The following TET1 variants were observed in gnomAD, a reference collection of about 807,000 sequenced individuals.
The protein encoded by TET1 is methylcytosine dioxygenase TET1.
TET1 carries 13 observed loss-of-function variants against 148.7 expected under a neutral mutation model. The observed-to-expected ratio is 0.09, with a 90% CI of 0.06 to 0.14. The LOEUF (loss-of-function observed/expected upper bound fraction) is 0.14. TET1 is among the 10% of genes least tolerant of loss of function. TET1 has a pLI of 1.00. For missense variants in TET1, 2,182 were observed against 2,553.8 expected (o/e 0.85, Z 3.14); for synonymous variants, 907 against 937.2 (o/e 0.97, Z 0.59).
rs117958445 is a variant in TET1 at position 68,603,120 on chromosome 10, G to A, written c.1968+2086G>A. ...CATTCTAGGAGCATGCTACCTGGGG[G>A]ACCAGTGATGGGAATCTCACAGTTT... On this transcript the variant is annotated intron_variant, in intron 3 of 11. Transcript: ENST00000373644. Among the ~76,000 whole-genome samples, 1,315 of 152,270 alleles carry A rather than the reference G, an allele frequency of 8.6e-3. 25 individuals carry two copies. The highest frequency in any genetic ancestry group is 0.011 in the Non-Finnish European group (747 of 68,032).
chr10:68,614,365 A>G (rs2054259362), intron 3 of TET1, among the ~76,000 whole-genome samples: 1 of 152,206 alleles, frequency 6.6e-6, no homozygotes, highest in South Asian at 2.1e-4. Context: ...CAGAAATAAA[A>G]AACAGTGTAA....
chr10:68,624,687 TCTC>T (rs1564975241), intron 3 of TET1, among the ~76,000 whole-genome samples: 20 of 130,412 alleles, frequency 1.5e-4, no homozygotes, highest in African/African-American at 5.8e-4. Flanking sequence ...TCTCTCTCTC[TCTC>T]TCTCTCTTTC....
chr10:68,582,096 CTATTTTT>C (rs1329652828), intron 2 of TET1, among the ~76,000 whole-genome samples: 1 of 148,536 alleles, frequency 6.7e-6, no homozygotes, highest in Non-Finnish European at 1.5e-5. Flanking sequence ...TTAGATGACA[CTATTTTT>C]TTTTTTTTTT....
chr10:68,601,632 C>T (rs1270506820), intron 3 of TET1, among the ~76,000 whole-genome samples: 1 of 152,000 alleles, frequency 6.6e-6, no homozygotes, highest in Non-Finnish European at 1.5e-5. Context: ...TAATAGTAAC[C>T]TAATTCAGTT....
chr10:68,692,533 T>A lies in TET1; in HGVS notation c.*719T>A. On this transcript the variant is annotated 3_prime_UTR_variant, in exon 12 of 12. Coordinates refer to ENST00000373644, the MANE Select transcript of TET1 (RefSeq NM_030625.3). ...TGCATACAAGAGAAATCATTTATCC[T>A]TGCTGTGTAGAGTTCCATCTTGTTA... 4.3e-6 allele frequency: 1 copy of A among 232,534 alleles called. No individual in the cohort carries two copies. Among genetic ancestry groups the A allele is most frequent in the East Asian group, 6.1e-5 (1 of 16,266 alleles). 14.4% of individuals were successfully genotyped at this position (232,534 alleles called of 1,614,324 possible). A position where few individuals can be genotyped will look rare whatever the true frequency, so the allele number is the denominator to read the frequency against.
chr10:68,573,852 T>G lies in TET1; in HGVS notation c.1514T>G (p.Ile505Arg). Residue 505 changes from isoleucine (I) to arginine (R), a missense_variant, in exon 2 of 12, where the codon ATA becomes AGA. Physicochemically the swap from Ile to Arg is moderately conservative, Grantham distance 97 (BLOSUM62 -3). This residue lies in a region of TET1 where 665 missense variants were observed against 672.4 expected (regional missense o/e 0.99). Transcript: ENST00000373644. ...SNVENEKQVH[I>R]SFLPANTQGF... The stretch of plus-strand genomic sequence containing the variant: ...GTAGAAAATGAGAAGCAGGTTCATA[T>G]AAGCTTCCTGCCAGCTAACACTCAG... The G allele has an allele frequency of 6.2e-7, 1 of 1,614,144 alleles. No homozygotes were observed. Among genetic ancestry groups the G allele is most frequent in the Non-Finnish European group, 8.5e-7 (1 of 1,180,028 alleles).
chr10:68,625,026 G>A (rs1209908128), intron 3 of TET1, among the ~76,000 whole-genome samples: 1 of 152,190 alleles, frequency 6.6e-6, no homozygotes, highest in Middle Eastern at 3.4e-3. Context: ...GAGCCAGTGC[G>A]CCCGGCTTCT....
At chr10:68,659,487 T>G (rs1167309905) in intron 6 of TET1, among the ~76,000 whole-genome samples, 2 of 151,978 alleles carry the variant, frequency 1.3e-5, no homozygotes, top group African/African-American at 2.4e-5. Context: ...CTCAGCTAAT[T>G]TTTGTATTTT....
At chr10:68,671,337 G>C (rs1426686769) in intron 7 of TET1, among the ~76,000 whole-genome samples, 1 of 152,200 alleles carries the variant, frequency 6.6e-6, no homozygotes, top group Non-Finnish European at 1.5e-5. Context: ...GCTAAGGATA[G>C]TGGCCTTTAG....
intron 2 of TET1, among the ~76,000 whole-genome samples, chr10:68,583,498 G>T (rs954248248): frequency 5.3e-5 from 8 of 152,118 alleles, no homozygotes; most frequent in Non-Finnish European, 7.4e-5. Flanking sequence ...AGCTTTTCAT[G>T]TCTGCTATGA....
In TET1 at chr10:68,569,421, A is replaced by G. The variant is rs368154506; in HGVS notation, c.-122-2796A>G. Among the ~76,000 whole-genome samples the G allele has an allele frequency of 6.7e-4, 102 of 151,780 alleles. 1 individual carries two copies. The East Asian group carries it at 0.017, about 25-fold the overall frequency. On this transcript the variant is annotated intron_variant, in intron 1 of 11. Transcript: ENST00000373644. ...GATCTCCTGACCTCGTGATCCGCCC[A>G]CCTCGGCCTCCCAAAGTGCTGGGAT...
At chr10:68,600,855 G>A in intron 2 of TET1, 126 bp from the exon 3 acceptor site, 1 of 751,466 alleles carries the variant, frequency 1.3e-6, no homozygotes, top group Non-Finnish European at 2.3e-6. Flanking sequence ...GTTCTGCCTA[G>A]CAAACATGTT....
chr10:68,642,501 A>G (rs554918687), intron 3 of TET1, among the ~76,000 whole-genome samples: 27 of 152,296 alleles, frequency 1.8e-4, no homozygotes, highest in African/African-American at 6.5e-4. Context: ...TTGCTTAAAC[A>G]GGGCACAGCA....
intron 2 of TET1, among the ~76,000 whole-genome samples, chr10:68,577,164 C>A (rs1439986867): frequency 1.3e-5 from 2 of 152,158 alleles, no homozygotes; most frequent in African/African-American, 2.4e-5. Flanking sequence ...CCCGCCTTGG[C>A]CTCCCAAAGT....
At chr10:68,571,000 T>A (rs1055991940) in intron 1 of TET1, among the ~76,000 whole-genome samples, 3 of 151,510 alleles carry the variant, frequency 2.0e-5, no homozygotes, top group Admixed American at 6.6e-5. Flanking sequence ...ATTTTATTAT[T>A]ATTTTTCTGA....
intron 3 of TET1, among the ~76,000 whole-genome samples, chr10:68,642,608 C>G (rs2054774758): frequency 6.6e-6 from 1 of 151,942 alleles, no homozygotes; most frequent in South Asian, 2.1e-4. Context: ...GTACACTTTT[C>G]TTCTTTTTTT....
intron 3 of TET1, among the ~76,000 whole-genome samples, chr10:68,642,417 G>C (rs552351744): frequency 3.7e-4 from 56 of 152,030 alleles, no homozygotes; most frequent in Non-Finnish European, 2.2e-4. Context: ...CTGGGGAACA[G>C]AGTGAGACCT....
chr10:68,621,600 A>T (rs1318719742), intron 3 of TET1, among the ~76,000 whole-genome samples: 1 of 152,082 alleles, frequency 6.6e-6, no homozygotes, highest in Non-Finnish European at 1.5e-5. Flanking sequence ...AAATAAATAA[A>T]ATTTTAAAAT....
intron 6 of TET1, among the ~76,000 whole-genome samples, chr10:68,666,707 T>C (rs1432737491): frequency 6.6e-6 from 1 of 152,208 alleles, no homozygotes; most frequent in Non-Finnish European, 1.5e-5. Context: ...CAGGTACTCT[T>C]GTGATGAGTC....
Sources: gnomAD v4.1 joint callset for allele counts (sites outside exome capture counted in the v4.1 genomes callset) on GRCh38, gnomAD v4.1.1 for gene constraint, gnomAD v4.1.1 regional missense constraint, MANE v1.5 for transcripts, NCBI Gene and HGNC (gene_info 2026-07-23, HGNC 2026-07-21) for gene names.